GTF2E2: variants seen among roughly 807,000 people sequenced by gnomAD.
GTF2E2 encodes the protein general transcription factor IIE subunit 2.
GTF2E2 carries 21 observed loss-of-function variants against 40.5 expected under a neutral mutation model. That is an observed-to-expected ratio of 0.52 (90% CI 0.37 to 0.75). The LOEUF is 0.75. GTF2E2 is among the 30% of genes least tolerant of loss of function. The pLI, the probability that GTF2E2 is intolerant of heterozygous loss-of-function variation, is 0.00. For synonymous variants in GTF2E2, 117 were observed against 121.6 expected, an observed-to-expected ratio of 0.96 and a Z score of 0.25; for missense variants, 298 against 338.4, an observed-to-expected ratio of 0.88 and a Z score of 0.94.
At chr8:30,605,879 T>G (rs1829304078) in intron 6 of GTF2E2, among the ~76,000 whole-genome samples, 1 of 152,196 alleles carries the variant, frequency 6.6e-6, no homozygotes, top group Non-Finnish European at 1.5e-5. Context: ...CAGGCTGGTC[T>G]TGAACTCCTA....
At chr8:30,641,138 T>C (rs1211893612) in intron 2 of GTF2E2, among the ~76,000 whole-genome samples, 1 of 152,110 alleles carries the variant, frequency 6.6e-6, no homozygotes, top group Non-Finnish European at 1.5e-5. Flanking sequence ...AATGACTCCA[T>C]ATTAGAGAGT....
Position 30,647,260 on chromosome 8 carries a change from G to A in GTF2E2, c.166+6173C>T, listed in dbSNP as rs143165467. Among the ~76,000 whole-genome samples the A allele has an allele frequency of 3.3e-3, 495 of 152,198 alleles. 1 individual carries two copies. The highest frequency in any genetic ancestry group is 0.011 in the African/African-American group (477 of 41,534). On this transcript the variant is annotated intron_variant, in intron 2 of 7. Coordinates refer to ENST00000355904, the MANE Select transcript of GTF2E2 (RefSeq NM_002095.6). ...TGTGTGCAATAAATAACTGTGTGGTGAAGAGAGGAAATCTGTTCTTTTCAA... is the reference window on the plus strand; with the variant it reads ...TGTGTGCAATAAATAACTGTGTGGTAAAGAGAGGAAATCTGTTCTTTTCAA...
intron 3 of GTF2E2, among the ~76,000 whole-genome samples, chr8:30,633,889 C>A (rs1157669225): frequency 6.6e-6 from 1 of 151,992 alleles, no homozygotes; most frequent in Non-Finnish European, 1.5e-5. Flanking sequence ...TACTATAACC[C>A]AAATACAAAC....
intron 3 of GTF2E2, among the ~76,000 whole-genome samples, chr8:30,618,686 T>C (rs1800997249): frequency 6.6e-6 from 1 of 152,196 alleles, no homozygotes; most frequent in Admixed American, 6.5e-5. Flanking sequence ...TATTCTATGA[T>C]TATAGCAGCT....
intron 2 of GTF2E2, chr8:30,645,679 G>T: frequency 7.6e-7 from 1 of 1,322,290 alleles, no homozygotes; most frequent in Non-Finnish European, 1.0e-6. Flanking sequence ...GCCAACTGTT[G>T]CTACAAAACA....
chr8:30,624,502 T>G (rs1801210314), intron 3 of GTF2E2, among the ~76,000 whole-genome samples: 1 of 152,148 alleles, frequency 6.6e-6, no homozygotes, highest in East Asian at 1.9e-4. Flanking sequence ...CGGGCTCTTT[T>G]TTGGTTCCAT....
intron 6 of GTF2E2, among the ~76,000 whole-genome samples, chr8:30,605,263 G>A (rs374024601): frequency 5.3e-5 from 8 of 152,042 alleles, no homozygotes; most frequent in Non-Finnish European, 1.0e-4. Flanking sequence ...AGTAAATGAC[G>A]GAGAAACTAA....
At chr8:30,651,100 T>C (rs1448229030) in intron 2 of GTF2E2, among the ~76,000 whole-genome samples, 1 of 151,130 alleles carries the variant, frequency 6.6e-6, no homozygotes, top group Non-Finnish European at 1.5e-5. Context: ...CCTGCAGTAA[T>C]ATCATGCGTA....
chr8:30,596,899 T>C (rs1007098606), intron 6 of GTF2E2: 11 of 152,292 alleles, frequency 7.2e-5, no homozygotes, highest in African/African-American at 2.7e-4. Flanking sequence ...TCGAACTGTG[T>C]TAGGGTAGTG....
chr8:30,648,724 T>C (rs1468316463), intron 2 of GTF2E2, among the ~76,000 whole-genome samples: 2 of 152,262 alleles, frequency 1.3e-5, no homozygotes, highest in Non-Finnish European at 2.9e-5. Context: ...AGCTTCCAGC[T>C]GCTCTGCCAG....
chr8:30,612,394 G>C lies in GTF2E2; in HGVS notation c.454C>G (p.Leu152Val). The C allele has an allele frequency of 6.2e-7, 1 of 1,611,218 alleles. No homozygotes were observed. The highest frequency in any genetic ancestry group is 8.5e-7 in the Non-Finnish European group (1 of 1,177,456). The change falls in exon 5 of 8, where the codon CTT becomes GTT. Residue 152 changes from leucine (L) to valine (V), a missense_variant. By Grantham distance (32) the Leu-to-Val change is conservative. Transcript: ENST00000355904. The stretch of plus-strand genomic sequence containing the variant: ...TGGTCATGCTGATCTAAGAGCCTAA[G>C]TAGGGCCTTCTTATCTCTCACGTTG... The part of the protein sequence containing the change: ...KYNVRDKKAL[L>V]RLLDQHDQRG...
chr8:30,620,515 C>G (rs1296023618), intron 3 of GTF2E2, among the ~76,000 whole-genome samples: 1 of 151,982 alleles, frequency 6.6e-6, no homozygotes, highest in East Asian at 1.9e-4. Context: ...GTGTATTTTA[C>G]CTTTTATCTC....
chr8:30,649,573 G>A (rs1030249166), intron 2 of GTF2E2, among the ~76,000 whole-genome samples: 5 of 152,198 alleles, frequency 3.3e-5, no homozygotes, highest in African/African-American at 4.8e-5. Context: ...CACTGGGTGA[G>A]GTGGCTCAGG....
chr8:30,647,544 G>T (rs528549222), intron 2 of GTF2E2, among the ~76,000 whole-genome samples: 2 of 152,166 alleles, frequency 1.3e-5, no homozygotes, highest in South Asian at 4.1e-4. Context: ...TCATGCCATC[G>T]CACTCCAGCC....
chr8:30,647,105 CAT>C (rs944851316), intron 2 of GTF2E2, among the ~76,000 whole-genome samples: 29 of 148,970 alleles, frequency 1.9e-4, no homozygotes, highest in African/African-American at 4.5e-4. Context: ...TAAATATACA[CAT>C]GAGTAAGGTT....
intron 5 of GTF2E2, among the ~76,000 whole-genome samples, chr8:30,611,082 GTCTTGGAAAAAGAT>G (rs1344895555): frequency 8.5e-5 from 13 of 152,206 alleles, no homozygotes; most frequent in Non-Finnish European, 1.2e-4. Flanking sequence ...AAATAAGCCA[GTCTTGGAAAAAGAT>G]TCCAAGATTC....
chr8:30,621,882 T>G, intron 3 of GTF2E2, among the ~76,000 whole-genome samples: 1 of 152,060 alleles, frequency 6.6e-6, no homozygotes, highest in Non-Finnish European at 1.5e-5. Flanking sequence ...TGTGACAATT[T>G]GGTATCCTTG....
At chr8:30,609,281 G>GAA (rs1474127897) in intron 5 of GTF2E2, among the ~76,000 whole-genome samples, 257 of 8,308 alleles carry the variant, frequency 0.031, no homozygotes, top group Middle Eastern at 0.12. Context: ...AAAAAAAAAA[G>GAA]AGAAAGAAAG....
intron 2 of GTF2E2, among the ~76,000 whole-genome samples, chr8:30,636,462 T>C (rs1435073595): frequency 6.6e-6 from 1 of 152,228 alleles, no homozygotes; most frequent in Non-Finnish European, 1.5e-5. Context: ...CATACTCCTT[T>C]GAGATTAGTG....
Sources: allele counts gnomAD v4.1 joint callset (sites outside exome capture counted in the v4.1 genomes callset), GRCh38; gene constraint gnomAD v4.1.1; transcripts MANE v1.5; gene names NCBI Gene and HGNC (gene_info 2026-07-23, HGNC 2026-07-21).